KLF15: variants seen among roughly 807,000 people sequenced by gnomAD.
The protein encoded by KLF15 is KLF transcription factor 15, also known as Krueppel-like factor 15.
KLF15 carries 4 observed loss-of-function variants against 24.6 expected under a neutral mutation model. That is an observed-to-expected ratio of 0.16 (90% CI 0.08 to 0.37). The LOEUF (loss-of-function observed/expected upper bound fraction) is 0.37. KLF15 is among the 10% of genes least tolerant of loss of function. The pLI is 1.00. For missense variants in KLF15, 496 were observed against 560.6 expected, an observed-to-expected ratio of 0.88 and a Z score of 1.16; for synonymous variants, 246 against 236.3, an observed-to-expected ratio of 1.04 and a Z score of -0.37.
Position 126,352,325 on chromosome 3 carries a change from T to A in KLF15, c.598A>T (p.Ser200Cys), listed in dbSNP as rs1232946832. ...ERCSPPPGGA[S>C]AGGAQGPGGG... ...CCTGGGCCCTGGGCACCTCCTGCAC[T>A]GGCACCACCTGGTGGAGGGGAACAG... The change falls in exon 2 of 3, where the codon AGT becomes TGT. Residue 200 changes from serine to cysteine, a missense_variant. Ser to Cys is a moderately radical substitution (Grantham distance 112, BLOSUM62 -1). Coordinates refer to ENST00000296233, the MANE Select transcript of KLF15 (RefSeq NM_014079.4). 1 of 1,572,598 alleles carries A rather than the reference T, an allele frequency of 6.4e-7. No homozygotes were observed. Among genetic ancestry groups the A allele is most frequent in the East Asian group, 2.2e-5 (1 of 44,654 alleles).
downstream of KLF15, among the ~76,000 whole-genome samples, chr3:126,339,519 A>G (rs9862203): frequency 0.77 from 117,218 of 152,014 alleles, 45,358 homozygotes; most frequent in African/African-American, 0.82. Flanking sequence ...CTCATTCTGC[A>G]TCTTTTGAAC....
chr3:126,353,247 T>C lies in KLF15; in HGVS notation c.-25-300A>G, dbSNP rs187479358. ...ATGTCTGTGAACAACTGAGTATGGG[T>C]GAGTATGAGAGAAGGGCATGCGCGA... On this transcript the variant is annotated intron_variant, in intron 1 of 2. Transcript: ENST00000296233. 2.0e-5 allele frequency among the ~76,000 whole-genome samples: 3 copies of C among 152,112 alleles called. No homozygotes were observed. In the East Asian group the frequency reaches 5.8e-4, roughly 29 times the overall value.
chr3:126,307,612 TTTTA>T, the KLF15 span, among the ~76,000 whole-genome samples: 1 of 152,066 alleles, frequency 6.6e-6, no homozygotes, highest in African/African-American at 2.4e-5. Flanking sequence ...CACACTTGGG[TTTTA>T]TTTGTTTCTT....
At chr3:126,299,516 G>A in the KLF15 span, among the ~76,000 whole-genome samples, 9 of 151,942 alleles carry the variant, frequency 5.9e-5, no homozygotes, top group South Asian at 2.1e-4. Flanking sequence ...TTGGGAGGCC[G>A]AGGAGGGCAG....
chr3:126,318,264 G>A, the KLF15 span, among the ~76,000 whole-genome samples: 10 of 152,170 alleles, frequency 6.6e-5, no homozygotes, highest in African/African-American at 2.4e-4. Flanking sequence ...TCCAAAATAT[G>A]AGGGAGGAAA....
At chr3:126,307,034 T>C in the KLF15 span, among the ~76,000 whole-genome samples, 4 of 152,160 alleles carry the variant, frequency 2.6e-5, no homozygotes, top group East Asian at 7.7e-4. Flanking sequence ...CTTAACCAAC[T>C]ATCTTTCCAG....
At chr3:126,288,976 C>T in the KLF15 span, 14 of 152,112 alleles carry the variant, frequency 9.2e-5, no homozygotes, top group Non-Finnish European at 1.6e-4. Context: ...AAGATGATTT[C>T]GAAAACCTCC....
the KLF15 span, among the ~76,000 whole-genome samples, chr3:126,299,715 C>T: frequency 1.4e-5 from 2 of 143,076 alleles, no homozygotes; most frequent in African/African-American, 5.2e-5. Flanking sequence ...CGCCACTGCA[C>T]TCCAGCCTGT....
At position 126,343,720 on chromosome 3, in the gene KLF15, G is replaced by T; in HGVS notation, c.*7C>A. 2 of 1,608,984 alleles carry T rather than the reference G, an allele frequency of 1.2e-6. No homozygotes were observed. Among genetic ancestry groups the T allele is most frequent in the Non-Finnish European group, 1.7e-6 (2 of 1,178,640 alleles). ...GGGTGACGGACAGGCTGGGGTTCAGGGCGCTTTCAGTTCACGGAGCGCACG... is the reference window on the plus strand; with the variant it reads ...GGGTGACGGACAGGCTGGGGTTCAGTGCGCTTTCAGTTCACGGAGCGCACG... On this transcript the variant is annotated 3_prime_UTR_variant, in exon 3 of 3. Coordinates refer to ENST00000296233, the MANE Select transcript of KLF15 (RefSeq NM_014079.4).
the KLF15 span, among the ~76,000 whole-genome samples, chr3:126,307,178 C>T: frequency 6.6e-6 from 1 of 152,210 alleles, no homozygotes; most frequent in Non-Finnish European, 1.5e-5. Context: ...CCCCACCACA[C>T]ACCGCCTGAG....
chr3:126,351,769 C>T, intron 2 of KLF15, 72 bp downstream of exon 2: 6 of 1,498,964 alleles, frequency 4.0e-6, no homozygotes, highest in Non-Finnish European at 5.4e-6. Context: ...GAAAATGGCC[C>T]TGCTGCACAC....
At chr3:126,354,539 G>A (rs2082615401) in intron 1 of KLF15, among the ~76,000 whole-genome samples, 1 of 152,124 alleles carries the variant, frequency 6.6e-6, no homozygotes, top group South Asian at 2.1e-4. Context: ...TTTAGCCCCA[G>A]TTCCCAACTT....
chr3:126,299,862 C>T, the KLF15 span, among the ~76,000 whole-genome samples: 4 of 151,970 alleles, frequency 2.6e-5, no homozygotes, highest in East Asian at 1.9e-4. Flanking sequence ...AGAGAGGCCT[C>T]AGGAGAAGCC....
the KLF15 span, among the ~76,000 whole-genome samples, chr3:126,322,136 T>C: frequency 8.5e-5 from 13 of 152,212 alleles, no homozygotes; most frequent in Non-Finnish European, 1.5e-5. Context: ...CTTGGTGTTT[T>C]TCCCACCTCT....
At chr3:126,330,009 G>A in the KLF15 span, among the ~76,000 whole-genome samples, 1 of 152,154 alleles carries the variant, frequency 6.6e-6, no homozygotes, top group African/African-American at 2.4e-5. Flanking sequence ...TTCTCACTGG[G>A]CTTGGCCGTA....
the KLF15 span, among the ~76,000 whole-genome samples, chr3:126,301,236 A>G: frequency 6.8e-6 from 1 of 147,286 alleles, no homozygotes. Context: ...CCATGAGCAC[A>G]AGGTTTTGAC....
At chr3:126,311,901 C>A in the KLF15 span, among the ~76,000 whole-genome samples, 6 of 152,342 alleles carry the variant, frequency 3.9e-5, no homozygotes, top group East Asian at 1.2e-3. Flanking sequence ...ACTGGTCTGA[C>A]CAGTTGGCTA....
the KLF15 span, among the ~76,000 whole-genome samples, chr3:126,310,840 C>T: frequency 0.11 from 17,469 of 152,196 alleles, 1,592 homozygotes; most frequent in African/African-American, 0.25. Context: ...GACTTCAACA[C>T]ATGAATTTTG....
At chr3:126,301,610 C>CTTTTTTTTTT in the KLF15 span, among the ~76,000 whole-genome samples, 1 of 132,284 alleles carries the variant, frequency 7.6e-6, no homozygotes, top group Non-Finnish European at 1.6e-5. Flanking sequence ...TTTTCTTTTT[C>CTTTTTTTTTT]TTTTTTTTTT....
Sources: gnomAD v4.1 joint callset for allele counts (sites outside exome capture counted in the v4.1 genomes callset) on GRCh38, gnomAD v4.1.1 for gene constraint, MANE v1.5 for transcripts, NCBI Gene and HGNC (gene_info 2026-07-23, HGNC 2026-07-21) for gene names.